MICAL3: variants seen among roughly 807,000 people sequenced by gnomAD.
MICAL3 encodes [F-actin]-monooxygenase MICAL3.
Under a neutral mutation model 207.4 loss-of-function variants are expected in MICAL3, and 62 were observed. The observed-to-expected ratio is 0.30, with a 90% CI of 0.24 to 0.37. The LOEUF is 0.37. Ranked by LOEUF, MICAL3 falls within the 10% of genes least tolerant of loss-of-function variation. MICAL3 has a pLI of 1.00. For synonymous variants in MICAL3, 1,077 were observed against 1,069.3 expected (o/e 1.01, Z -0.14); for missense variants, 2,368 against 2,635.6 (o/e 0.90, Z 2.22).
chr22:17,846,909 G>C (rs192470880), intron 19 of MICAL3, among the ~76,000 whole-genome samples: 2 of 152,144 alleles, frequency 1.3e-5, no homozygotes, highest in South Asian at 4.1e-4. Flanking sequence ...AGAGGCTCTG[G>C]GCCGCACCTC....
At chr22:17,895,487 A>G (rs1438276584) in intron 9 of MICAL3, 77 bp from the exon 10 acceptor site, 22 of 1,537,984 alleles carry the variant, frequency 1.4e-5, no homozygotes, top group Non-Finnish European at 2.0e-5. Flanking sequence ...GATTGTTCTG[A>G]CAGCGCAGCA....
chr22:17,953,880 G>A (rs1602282562), intron 1 of MICAL3, among the ~76,000 whole-genome samples: 4 of 133,968 alleles, frequency 3.0e-5, no homozygotes, highest in South Asian at 5.2e-4. Flanking sequence ...GCAGTGAGCC[G>A]AGATCACACC....
intron 16 of MICAL3, chr22:17,879,468 A>C: frequency 3.6e-6 from 5 of 1,390,786 alleles, no homozygotes; most frequent in Non-Finnish European, 5.0e-6. Flanking sequence ...ACTAAACGAC[A>C]GTGGGAAATT....
intron 19 of MICAL3, among the ~76,000 whole-genome samples, chr22:17,854,875 C>T (rs773578769): frequency 5.9e-5 from 9 of 152,218 alleles, no homozygotes; most frequent in African/African-American, 7.2e-5. Context: ...ACAGACGGGA[C>T]GTTCCACTTG....
intron 1 of MICAL3, among the ~76,000 whole-genome samples, chr22:17,982,372 G>A (rs1569156570): frequency 6.6e-6 from 1 of 152,190 alleles, no homozygotes; most frequent in Non-Finnish European, 1.5e-5. Flanking sequence ...CTCAGCATAC[G>A]CTGAAATATA....
chr22:17,923,980 C>A (rs928414321), intron 1 of MICAL3, among the ~76,000 whole-genome samples: 3 of 152,182 alleles, frequency 2.0e-5, no homozygotes, highest in African/African-American at 7.2e-5. Context: ...GCAAACACAT[C>A]CTTCTTCACA....
At chr22:17,983,661 C>T (rs2146444635) in intron 1 of MICAL3, 1 of 153,064 alleles carries the variant, frequency 6.5e-6, no homozygotes, top group South Asian at 2.1e-4. Context: ...CACACCAGGT[C>T]TTCTGGTCCA....
At chr22:17,827,837 T>C (rs1322164228) in intron 21 of MICAL3, 56 bp from the exon 22 acceptor site, 2 of 1,498,312 alleles carry the variant, frequency 1.3e-6, no homozygotes, top group Admixed American at 2.1e-5. Flanking sequence ...GGGGATGAAA[T>C]AGCATGGGAA....
intron 29 of MICAL3, among the ~76,000 whole-genome samples, chr22:17,805,089 A>AG (rs1449343116): frequency 3.3e-5 from 5 of 152,250 alleles, no homozygotes; most frequent in Non-Finnish European, 7.3e-5. Flanking sequence ...TGACGCCCTC[A>AG]GACGGTGATG....
chr22:18,020,684 A>C (rs1352717226), intron 1 of MICAL3, among the ~76,000 whole-genome samples: 1 of 149,764 alleles, frequency 6.7e-6, no homozygotes, highest in Non-Finnish European at 1.5e-5. Context: ...TGGGAGGCTG[A>C]GGCAGGCAGA....
chr22:17,888,713 A>G (rs1381788435), intron 13 of MICAL3, among the ~76,000 whole-genome samples: 1 of 152,224 alleles, frequency 6.6e-6, no homozygotes, highest in African/African-American at 2.4e-5. Context: ...AGAGGCCACA[A>G]GCACAAGCCA....
intron 27 of MICAL3, chr22:17,814,711 C>T (rs1295004216): frequency 6.6e-6 from 1 of 152,254 alleles, no homozygotes. Flanking sequence ...GTTGGCCTTC[C>T]CCTAGGTCAT....
At chr22:17,916,462 T>C (rs1663897799) in intron 1 of MICAL3, among the ~76,000 whole-genome samples, 1 of 152,214 alleles carries the variant, frequency 6.6e-6, no homozygotes, top group Admixed American at 6.5e-5. Flanking sequence ...CAAAACTCGC[T>C]GAAAGAATTG....
chr22:17,928,124 C>T (rs931831818), intron 1 of MICAL3, among the ~76,000 whole-genome samples: 8 of 152,036 alleles, frequency 5.3e-5, no homozygotes, highest in Non-Finnish European at 1.0e-4. Context: ...CTACCTGATG[C>T]GAGGAATAGT....
At chr22:17,872,555 A>G (rs911660370) in intron 16 of MICAL3, among the ~76,000 whole-genome samples, 2 of 152,234 alleles carry the variant, frequency 1.3e-5, no homozygotes, top group African/African-American at 4.8e-5. Context: ...TCACATGAAT[A>G]TATGTGGGTC....
chr22:17,894,674 G>A (rs1461734915), intron 10 of MICAL3, among the ~76,000 whole-genome samples: 1 of 151,596 alleles, frequency 6.6e-6, no homozygotes, highest in East Asian at 1.9e-4. Flanking sequence ...GTGGGTGCCT[G>A]TAATCCCAGC....
In MICAL3 at chr22:17,790,926, G is replaced by A. The variant is rs2061817453; in HGVS notation, c.5825-10C>T. 2 of 1,613,546 alleles carry A rather than the reference G, an allele frequency of 1.2e-6. No homozygotes were observed. Among genetic ancestry groups the A allele is most frequent in the East Asian group, 2.2e-5 (1 of 44,884 alleles). On this transcript the variant is annotated splice_polypyrimidine_tract_variant and intron_variant, in intron 31 of 31. Transcript: ENST00000441493. ...TCAGTCTTAAGGTGATCTTGAAGGA[G>A]AAGAAGGCATGAGGTGAGGGGCCTG...
At chr22:17,887,017 G>GAAAAAAAAAAAAAAAAAAAAAAAAAA (rs1929973357) in intron 15 of MICAL3, among the ~76,000 whole-genome samples, 153 bp downstream of exon 15, 1 of 84,962 alleles carries the variant, frequency 1.2e-5, no homozygotes, top group Non-Finnish European at 2.5e-5. Flanking sequence ...AAAAAAAAAA[G>GAAAAAAAAAAAAAAAAAAAAAAAAAA]AAAATAAAAA....
intron 17 of MICAL3, among the ~76,000 whole-genome samples, chr22:17,867,323 C>T (rs777965207): frequency 9.9e-5 from 15 of 152,224 alleles, no homozygotes; most frequent in African/African-American, 9.6e-5. Flanking sequence ...GTCCGCCAGT[C>T]TTACCGCCTG....
Sources: gnomAD v4.1 joint callset for allele counts (sites outside exome capture counted in the v4.1 genomes callset) on GRCh38, gnomAD v4.1.1 for gene constraint, MANE v1.5 for transcripts, NCBI Gene and HGNC (gene_info 2026-07-23, HGNC 2026-07-21) for gene names.